Variants in MYRF observed in about 807,000 individuals in gnomAD.
MYRF encodes the protein myelin gene regulatory factor.
Under a neutral mutation model 126.3 loss-of-function variants are expected in MYRF, and 16 were observed. That is an observed-to-expected ratio of 0.13 (90% CI 0.09 to 0.19). MYRF has a LOEUF of 0.19. Among genes scored for constraint, MYRF ranks in the 10% least tolerant of loss-of-function variants. The probability of loss-of-function intolerance (pLI) is 1.00; values close to 1 mark genes in which losing one functional copy is unlikely to be tolerated. For missense variants in MYRF, 1,104 were observed against 1,547.0 expected, an observed-to-expected ratio of 0.71 and a Z score of 4.80; for synonymous variants, 608 against 635.3, an observed-to-expected ratio of 0.96 and a Z score of 0.65.
At chr11:61,764,423 C>T (rs1215332428) in intron 1 of MYRF, among the ~76,000 whole-genome samples, 2 of 152,216 alleles carry the variant, frequency 1.3e-5, no homozygotes, top group African/African-American at 2.4e-5. Flanking sequence ...CCCCATTGCA[C>T]GAATGAGGAG....
chr11:61,773,961 C>T lies in MYRF; in HGVS notation c.1116-6C>T, dbSNP rs201745778. 200 of 1,606,394 alleles carry T rather than the reference C, an allele frequency of 1.2e-4. No individual in the cohort carries two copies. In the East Asian group the frequency reaches 3.6e-3, roughly 29 times the overall value. On this transcript the variant is annotated splice_region_variant and splice_polypyrimidine_tract_variant and intron_variant, in intron 7 of 26. Coordinates refer to ENST00000278836, the MANE Select transcript of MYRF (RefSeq NM_001127392.3). ...CTCAGGGGAGTGCCCTCACCCGCCC[C>T]CCCAGGCCCATGCTCACCTACCGCG...
intron 4 of MYRF, 150 bp downstream of exon 4, chr11:61,769,471 A>G (rs1174108881): frequency 6.0e-6 from 4 of 663,620 alleles, no homozygotes; most frequent in East Asian, 5.6e-5. Context: ...GCGCTTGGCT[A>G]TTGTTTCCCC....
intron 8 of MYRF, 47 bp downstream of exon 8, chr11:61,774,209 G>T (rs1286865534): frequency 6.5e-7 from 1 of 1,527,916 alleles, no homozygotes; most frequent in Non-Finnish European, 8.8e-7. Context: ...GGGCCCTTTG[G>T]GGGCACTGAA....
chr11:61,771,132 A>G (rs889529453), intron 5 of MYRF, among the ~76,000 whole-genome samples: 3 of 152,170 alleles, frequency 2.0e-5, no homozygotes, highest in Non-Finnish European at 4.4e-5. Context: ...CCTGCTCTCC[A>G]TAGAGCCCCC....
chr11:61,766,112 A>G lies in MYRF; in HGVS notation c.289A>G (p.Thr97Ala). 1 of 1,608,448 alleles carries G rather than the reference A, an allele frequency of 6.2e-7. No homozygotes were observed. The change falls in exon 3 of 27, where the codon ACC becomes GCC. Residue 97 changes from threonine (T) to alanine (A), a missense_variant. Thr to Ala is a moderately conservative substitution (Grantham distance 58). Around this residue, in one of 10 missense-constraint regions of MYRF, gnomAD observed 368 missense variants for 403.9 expected, o/e 0.91. Transcript: ENST00000278836. ...TCCCCTCCCACCCCCGGGCTACGGC[A>G]CCCCGCTGAACTGCAACAACAACAA... The part of the protein sequence containing the change: ...HGPLPPPGYG[T>A]PLNCNNNNGM...
In MYRF at chr11:61,757,332, A is replaced by T. The variant is rs545055266; in HGVS notation, c.46+4542A>T. ...TACCCACAGTGCTTCTCTTGGCCGT[A>T]TCAGGGCACCGCTGTGCCTCCGCTT... On this transcript the variant is annotated intron_variant, in intron 1 of 26. Transcript: ENST00000278836. The surrounding 1 kb of genome is among the most constrained non-coding windows in gnomAD (Gnocchi z 4.7). The T allele has an allele frequency of 7.2e-5, 33 of 456,296 alleles. No individual in the cohort carries two copies. Among genetic ancestry groups the T allele is most frequent in the Non-Finnish European group, 8.8e-6 (2 of 226,870 alleles). The allele number at this position is 456,296 out of a possible 1,614,324, so 28.3% of individuals were successfully genotyped here. A position where few individuals can be genotyped will look rare whatever the true frequency, so the allele number is the denominator to read the frequency against.
In MYRF at chr11:61,783,887, T is replaced by G. The variant is rs758135892; in HGVS notation, c.3156T>G (p.Ser1052Arg). 6.7e-5 allele frequency: 108 copies of G among 1,609,550 alleles called. No homozygotes were observed. Among genetic ancestry groups the G allele is most frequent in the Admixed American group, 3.5e-4 (21 of 59,426 alleles). The change falls in exon 24 of 27, where the codon AGT becomes AGG. Residue 1052 changes from serine to arginine, a missense_variant. By Grantham distance (110) the Ser-to-Arg change is moderately radical. This residue lies in a region of MYRF where 94 missense variants were observed against 164.6 expected (regional missense o/e 0.57). Transcript: ENST00000278836. This position sits in a 1 kb window ranked among gnomAD's most constrained non-coding sequence, Gnocchi z 4.6. ...GNFTYHIPVS[S>R]GTPLHLSLTL... ...TCACCTACCACATCCCTGTCAGTAG[T>G]GGCACCCCACTGCACCTCAGCCTGA...
At chr11:61,782,024 G>T in intron 22 of MYRF, 200 bp downstream of exon 22, 1 of 548,008 alleles carries the variant, frequency 1.8e-6, no homozygotes, top group South Asian at 4.7e-5. Flanking sequence ...ACTCCTGCAA[G>T]AAAGGAATTG....
Position 61,778,341 on chromosome 11 carries a change from C to A in MYRF, c.1904-39C>A. ...TACAAAGCTGTGAGTAGCCCTTTAC[C>A]ACCCCCCCACCCATCTTTGGCTTGT... On this transcript the variant is annotated intron_variant, in intron 13 of 26. Coordinates refer to ENST00000278836, the MANE Select transcript of MYRF (RefSeq NM_001127392.3). The surrounding 1 kb of genome is among the most constrained non-coding windows in gnomAD (Gnocchi z 4.6). 7.3e-7 allele frequency: 1 copy of A among 1,373,316 alleles called. No homozygotes were observed. Among genetic ancestry groups the A allele is most frequent in the South Asian group, 1.2e-5 (1 of 86,344 alleles). 85.1% of individuals were successfully genotyped at this position (1,373,316 alleles called of 1,614,324 possible).
intron 3 of MYRF, chr11:61,767,082 G>A (rs1301943351): frequency 6.6e-6 from 3 of 456,604 alleles, no homozygotes; most frequent in Non-Finnish European, 1.3e-5. Flanking sequence ...GGGCACAGAG[G>A]ATGCCCTGGG....
chr11:61,772,807 G>A (rs1232605810), intron 7 of MYRF, among the ~76,000 whole-genome samples: 1 of 152,232 alleles, frequency 6.6e-6, no homozygotes, highest in Non-Finnish European at 1.5e-5. Context: ...TCAGGCAGGT[G>A]GGTGGAGCTC....
At chr11:61,755,283 G>C in intron 1 of MYRF, 4 of 1,315,710 alleles carry the variant, frequency 3.0e-6, no homozygotes, top group Non-Finnish European at 4.2e-6. Flanking sequence ...TTGGACCTCA[G>C]GTGGGAGGCC....
Position 61,770,418 on chromosome 11 carries a change from C to T in MYRF, c.633C>T (p.Pro211=), listed in dbSNP as rs1403842038. ...LQRDLYMKAE[P]PIPHYAAMGQ... ...GGGATCTGTACATGAAGGCCGAGCCCCCGATCCCCCACTACGCTGCCATGG... is the reference window on the plus strand; with the variant it reads ...GGGATCTGTACATGAAGGCCGAGCCTCCGATCCCCCACTACGCTGCCATGG... The change falls in exon 5 of 27, where the codon CCC becomes CCT. Residue 211 remains proline (P), a synonymous_variant. Coordinates refer to ENST00000278836, the MANE Select transcript of MYRF (RefSeq NM_001127392.3). 6.4e-7 allele frequency: 1 copy of T among 1,554,288 alleles called. No homozygotes were observed. Among genetic ancestry groups the T allele is most frequent in the Non-Finnish European group, 8.7e-7 (1 of 1,148,306 alleles).
chr11:61,769,758 T>C (rs2066157583), intron 4 of MYRF, among the ~76,000 whole-genome samples: 3 of 152,100 alleles, frequency 2.0e-5, no homozygotes, highest in Admixed American at 2.0e-4. Flanking sequence ...CTGTTTATCT[T>C]ACCAAAAACA....
chr11:61,766,221 G>T lies in MYRF; in HGVS notation c.398G>T (p.Gly133Val), dbSNP rs1477602478. 2 of 1,603,512 alleles carry T rather than the reference G, an allele frequency of 1.2e-6. No homozygotes were observed. The highest frequency in any genetic ancestry group is 1.7e-5 in the Admixed American group (1 of 57,384). ...KAEPKAPYAP[G>V]TLPDSPPDSG... ...GAGCCCAAGGCTCCCTATGCCCCAG[G>T]GTGAGTAAGGGCAGGGAGTAGGGGG... Residue 133 changes from glycine (G) to valine (V), a missense_variant and splice_region_variant, in exon 3 of 27, where the codon GGC becomes GTC. Transcript: ENST00000278836.
At position 61,774,021 on chromosome 11, in the gene MYRF, C is replaced by T. The variant is rs377523845; in HGVS notation, c.1170C>T (p.Gly390=). 8.7e-6 allele frequency: 14 copies of T among 1,612,842 alleles called. No individual in the cohort carries two copies. Among genetic ancestry groups the T allele is most frequent in the African/African-American group, 2.7e-5 (2 of 74,874 alleles). ...ACAAGGGCTTCAACTTTTCGGTGGGCGACGACGCCTTTGTGTGCCAGAAGA... is the reference window on the plus strand; with the variant it reads ...ACAAGGGCTTCAACTTTTCGGTGGGTGACGACGCCTTTGTGTGCCAGAAGA... ...DADKGFNFSV[G]DDAFVCQKKN... The change falls in exon 8 of 27, where the codon GGC becomes GGT. Residue 390 remains glycine (G), a synonymous_variant. Coordinates refer to ENST00000278836, the MANE Select transcript of MYRF (RefSeq NM_001127392.3).
rs564849849 is a variant in MYRF at position 61,778,682 on chromosome 11, G to A, written c.2013+193G>A. The stretch of plus-strand genomic sequence containing the variant: ...GTGTTCAAGGAGATGAGTGGGTAGG[G>A]ATTTGGCCCCTGGAGCCTGTGTGAT... On this transcript the variant is annotated intron_variant, in intron 14 of 26. Coordinates refer to ENST00000278836, the MANE Select transcript of MYRF (RefSeq NM_001127392.3). The surrounding 1 kb of genome is among the most constrained non-coding windows in gnomAD (Gnocchi z 4.6). The A allele has an allele frequency of 1.0e-4, 67 of 664,172 alleles. No individual in the cohort carries two copies. The East Asian group carries it at 1.8e-3, about 18-fold the overall frequency. The allele number at this position is 664,172 out of a possible 1,614,324, so 41.1% of individuals were successfully genotyped here.
In MYRF at chr11:61,788,259, T is replaced by A. The variant is rs1035042832; in HGVS notation, c.*2116T>A. The A allele has an allele frequency of 6.6e-6, 1 of 152,334 alleles. No homozygotes were observed. The highest frequency in any genetic ancestry group is 1.5e-5 in the Non-Finnish European group (1 of 68,074). The allele number at this position is 152,334 out of a possible 1,614,324, so 9.4% of individuals were successfully genotyped here. ...TCTCCCCCTAGCTTCAAGCTGTACATAGGGCCTCCCAGTGCAAATCCTCCT... is the reference window on the plus strand; with the variant it reads ...TCTCCCCCTAGCTTCAAGCTGTACAAAGGGCCTCCCAGTGCAAATCCTCCT... On this transcript the variant is annotated 3_prime_UTR_variant, in exon 27 of 27. Coordinates refer to ENST00000278836, the MANE Select transcript of MYRF (RefSeq NM_001127392.3).
At chr11:61,763,702 A>G (rs983356495) in intron 1 of MYRF, among the ~76,000 whole-genome samples, 2 of 152,068 alleles carry the variant, frequency 1.3e-5, no homozygotes, top group Non-Finnish European at 2.9e-5. Context: ...TGTCTCTACT[A>G]AAAATACAAA....
Sources: allele counts gnomAD v4.1 joint callset (sites outside exome capture counted in the v4.1 genomes callset), GRCh38; gene constraint gnomAD v4.1.1; regional missense constraint gnomAD v4.1.1; non-coding constraint Gnocchi (gnomAD v3.1); transcripts MANE v1.5; gene names NCBI Gene and HGNC (gene_info 2026-07-23, HGNC 2026-07-21).